SPAG16: variants seen among roughly 807,000 people sequenced by gnomAD.
SPAG16 encodes the protein sperm-associated antigen 16 protein.
Under a neutral mutation model 80.4 loss-of-function variants are expected in SPAG16, and 86 were observed. The observed-to-expected ratio is 1.07, with a 90% confidence interval of 0.90 to 1.28. The LOEUF is 1.28. SPAG16 is among the 50% of genes most tolerant of loss of function. SPAG16 has a pLI of 0.00. For synonymous variants in SPAG16, 294 were observed against 265.9 expected (o/e 1.11, Z -1.03); for missense variants, 870 against 765.3 (o/e 1.14, Z -1.61).
intron 10 of SPAG16, among the ~76,000 whole-genome samples, chr2:213,709,189 C>T (rs2065877352): frequency 6.6e-6 from 1 of 152,068 alleles, no homozygotes; most frequent in Non-Finnish European, 1.5e-5. Flanking sequence ...CAATCCATGG[C>T]CCTCTTGCAT....
At position 213,766,674 on chromosome 2, in the gene SPAG16, G is replaced by T. The variant is rs531293466; in HGVS notation, c.1071-95811G>T. Among the ~76,000 whole-genome samples the T allele has an allele frequency of 3.9e-5, 6 of 152,274 alleles. No homozygotes were observed. The East Asian group carries it at 1.2e-3, about 29-fold the overall frequency. On this transcript the variant is annotated intron_variant, in intron 10 of 15. Transcript: ENST00000331683. ...AGTAGTTTTATGAGCCTTAGATTAG[G>T]GATGGGGAGCAGAAGAGGCTAGGAA... is the stretch of plus-strand genomic sequence containing the variant.
chr2:214,115,437 C>A (rs2053883955), intron 14 of SPAG16, among the ~76,000 whole-genome samples: 1 of 152,184 alleles, frequency 6.6e-6, no homozygotes, highest in African/African-American at 2.4e-5. Flanking sequence ...TTTAAAGTTG[C>A]ATTTAGCTAT....
chr2:214,088,901 A>G (rs1010777958), intron 13 of SPAG16, among the ~76,000 whole-genome samples: 3 of 152,122 alleles, frequency 2.0e-5, no homozygotes, highest in Non-Finnish European at 4.4e-5. Context: ...ATGGGAAAGA[A>G]AATGAAAGAA....
intron 15 of SPAG16, among the ~76,000 whole-genome samples, chr2:214,170,254 A>G (rs184409622): frequency 8.7e-5 from 12 of 137,348 alleles, no homozygotes; most frequent in African/African-American, 2.4e-4. Context: ...GTGTGTATAC[A>G]TATACACACA....
intron 12 of SPAG16, among the ~76,000 whole-genome samples, chr2:213,990,482 A>G (rs1219104534): frequency 6.6e-6 from 1 of 152,170 alleles, no homozygotes; most frequent in Admixed American, 6.6e-5. Flanking sequence ...GATAATTGAC[A>G]CAAATAACTG....
At chr2:213,512,031 G>GA (rs2075245557) in intron 10 of SPAG16, among the ~76,000 whole-genome samples, 1 of 151,914 alleles carries the variant, frequency 6.6e-6, no homozygotes, top group African/African-American at 2.4e-5. Context: ...CCCTTTTATA[G>GA]AGAAGCACAG....
chr2:214,095,059 TG>T (rs906090397), intron 13 of SPAG16, among the ~76,000 whole-genome samples: 6 of 152,014 alleles, frequency 3.9e-5, no homozygotes, highest in African/African-American at 9.7e-5. Flanking sequence ...GGTTGGAGTG[TG>T]GGGAGGATGA....
intron 15 of SPAG16, among the ~76,000 whole-genome samples, chr2:214,174,622 T>G (rs148374599): frequency 6.6e-6 from 1 of 151,844 alleles, no homozygotes; most frequent in African/African-American, 2.4e-5. Flanking sequence ...ATGCAAAAAT[T>G]AATGGCTTAA....
chr2:213,949,182 T>G (rs866924290), intron 12 of SPAG16, among the ~76,000 whole-genome samples: 4 of 18,586 alleles, frequency 2.2e-4, no homozygotes, highest in South Asian at 5.6e-3. Flanking sequence ...TTTTTTTTTT[T>G]TTTTTTTTTT....
intron 11 of SPAG16, among the ~76,000 whole-genome samples, chr2:213,905,645 T>C (rs2077400397): frequency 6.6e-6 from 1 of 152,226 alleles, no homozygotes; most frequent in African/African-American, 2.4e-5. Flanking sequence ...CTGCCCCCTA[T>C]GTATTACATT....
intron 8 of SPAG16, among the ~76,000 whole-genome samples, chr2:213,374,558 T>C (rs1416216942): frequency 6.6e-6 from 1 of 152,016 alleles, no homozygotes; most frequent in African/African-American, 2.4e-5. Flanking sequence ...TTTTGAATAT[T>C]ACCCTGTGTT....
chr2:214,267,430 A>G lies in SPAG16; in HGVS notation c.1720+118164A>G, dbSNP rs115583857. On this transcript the variant is annotated intron_variant, in intron 15 of 15. Transcript: ENST00000331683. ...CCCTTCAAAAAATGATATTAGGAATACTGGATATTCATATACAGAAGAATA... is the reference window on the plus strand; with the variant it reads ...CCCTTCAAAAAATGATATTAGGAATGCTGGATATTCATATACAGAAGAATA... 5.0e-3 allele frequency among the ~76,000 whole-genome samples: 767 copies of G among 151,936 alleles called. 5 individuals carry two copies. Among genetic ancestry groups the G allele is most frequent in the African/African-American group, 0.017 (724 of 41,520 alleles).
chr2:214,154,773 T>C (rs560313784), intron 15 of SPAG16, among the ~76,000 whole-genome samples: 1 of 152,302 alleles, frequency 6.6e-6, no homozygotes, highest in East Asian at 1.9e-4. Flanking sequence ...CAGATTTTTT[T>C]TGTATTTAAA....
intron 9 of SPAG16, among the ~76,000 whole-genome samples, chr2:213,410,552 A>G (rs1018339037): frequency 3.3e-5 from 5 of 152,206 alleles, no homozygotes; most frequent in Non-Finnish European, 7.3e-5. Context: ...GACTGCAAAG[A>G]TGGACTACAA....
chr2:213,738,296 A>G (rs1045708018), intron 10 of SPAG16, among the ~76,000 whole-genome samples: 2 of 152,142 alleles, frequency 1.3e-5, no homozygotes, highest in African/African-American at 2.4e-5. Flanking sequence ...TATATATGCT[A>G]TGTTTTCCCT....
chr2:213,405,858 G>A (rs918917160), intron 9 of SPAG16, among the ~76,000 whole-genome samples: 5 of 152,106 alleles, frequency 3.3e-5, no homozygotes, highest in Non-Finnish European at 5.9e-5. Flanking sequence ...TATAGTCAAT[G>A]GATAAATCCA....
At chr2:213,709,203 G>C (rs1410264654) in intron 10 of SPAG16, among the ~76,000 whole-genome samples, 2 of 152,072 alleles carry the variant, frequency 1.3e-5, no homozygotes, top group Non-Finnish European at 2.9e-5. Flanking sequence ...CTTGCATATT[G>C]GCAAAGTTGA....
At position 213,799,946 on chromosome 2, in the gene SPAG16, T is replaced by C. The variant is rs1057045535; in HGVS notation, c.1071-62539T>C. On this transcript the variant is annotated intron_variant, in intron 10 of 15. Transcript: ENST00000331683. Reference sequence around the variant, plus strand: ...CAGTGTCTACCCAAATGCCCATCAGTGATAGACTGGATTGAAAAAAAAAAA... The same window carrying C: ...CAGTGTCTACCCAAATGCCCATCAGCGATAGACTGGATTGAAAAAAAAAAA... 2.1e-5 allele frequency among the ~76,000 whole-genome samples: 3 copies of C among 146,290 alleles called. No individual in the cohort carries two copies. The East Asian group carries it at 6.2e-4, about 30-fold the overall frequency.
chr2:213,466,197 C>G (rs1487690308), intron 9 of SPAG16, among the ~76,000 whole-genome samples: 1 of 152,144 alleles, frequency 6.6e-6, no homozygotes, highest in Non-Finnish European at 1.5e-5. Flanking sequence ...TGTGGGACCT[C>G]ACTTTGTGAT....
Sources: allele counts gnomAD v4.1 joint callset (sites outside exome capture counted in the v4.1 genomes callset), GRCh38; gene constraint gnomAD v4.1.1; transcripts MANE v1.5; gene names NCBI Gene and HGNC (gene_info 2026-07-23, HGNC 2026-07-21).